PTPN23: variants seen among roughly 807,000 people sequenced by gnomAD.
The protein encoded by PTPN23 is tyrosine-protein phosphatase non-receptor type 23.
PTPN23 carries 72 observed loss-of-function variants against 156.3 expected under a neutral mutation model. The ratio of observed to expected loss-of-function variants is 0.46; its 90% CI spans 0.38 to 0.56. PTPN23 has a LOEUF of 0.56. Among genes scored for constraint, PTPN23 ranks in the 20% least tolerant of loss-of-function variants. The probability of loss-of-function intolerance (pLI) is 0.00; values close to 1 mark genes in which losing one functional copy is unlikely to be tolerated. For synonymous variants in PTPN23, 957 were observed against 899.6 expected, an observed-to-expected ratio of 1.06 and a Z score of -1.14; for missense variants, 1,974 against 2,171.5, an observed-to-expected ratio of 0.91 and a Z score of 1.81.
At chr3:47,385,827 C>G (rs1196156284) in intron 1 of PTPN23, among the ~76,000 whole-genome samples, 1 of 152,220 alleles carries the variant, frequency 6.6e-6, no homozygotes, top group Non-Finnish European at 1.5e-5. Context: ...CCCACTCTGG[C>G]TGAGTTGATC....
Position 47,406,888 on chromosome 3 carries a change from T to G in PTPN23, c.807+138T>G. Reference sequence around the variant, plus strand: ...TCACCCTGCTGGAGGCCTGGTGTCTTAAGTGTTGTCCCATCTGTGCAGCCC... The same window carrying G: ...TCACCCTGCTGGAGGCCTGGTGTCTGAAGTGTTGTCCCATCTGTGCAGCCC... On this transcript the variant is annotated intron_variant, in intron 9 of 24. Transcript: ENST00000265562. The surrounding 1 kb of genome is among the most constrained non-coding windows in gnomAD (Gnocchi z 5.8). 1 of 1,254,952 alleles carries G rather than the reference T, an allele frequency of 8.0e-7. No individual in the cohort carries two copies. The highest frequency in any genetic ancestry group is 1.1e-6 in the Non-Finnish European group (1 of 891,510). 77.7% of individuals were successfully genotyped at this position (1,254,952 alleles called of 1,614,324 possible).
At chr3:47,386,412 C>T (rs868212804) in intron 1 of PTPN23, among the ~76,000 whole-genome samples, 5 of 152,240 alleles carry the variant, frequency 3.3e-5, no homozygotes, top group Admixed American at 6.5e-5. Context: ...GTGATCTGCC[C>T]ACCTCGGTCT....
In PTPN23 at chr3:47,408,101, G is replaced by T. The variant is rs1576227191; in HGVS notation, c.1184+146G>T. On this transcript the variant is annotated intron_variant, in intron 14 of 24. Coordinates refer to ENST00000265562, the MANE Select transcript of PTPN23 (RefSeq NM_015466.4). ...GCTGCCTTCCCGCCTGGGGTGGTGG[G>T]GCTAGTGTGTAAGGCAGGAGTCATG... 2.4e-5 allele frequency: 25 copies of T among 1,061,444 alleles called. No homozygotes were observed. In the East Asian group the frequency reaches 2.8e-4, roughly 12 times the overall value. 65.8% of individuals were successfully genotyped at this position (1,061,444 alleles called of 1,614,324 possible). A position where few individuals can be genotyped will look rare whatever the true frequency, so the allele number is the denominator to read the frequency against.
At chr3:47,389,146 CAG>C (rs1165509183) in intron 1 of PTPN23, among the ~76,000 whole-genome samples, 8 of 152,174 alleles carry the variant, frequency 5.3e-5, no homozygotes, top group Non-Finnish European at 1.0e-4. Context: ...TGAGAACATG[CAG>C]AGTTTGTCGT....
At position 47,407,735 on chromosome 3, in the gene PTPN23, G is replaced by A; in HGVS notation, c.1042G>A (p.Asp348Asn). The change falls in exon 13 of 25, where the codon GAC (aspartate) becomes AAC (asparagine). Residue 348 changes from aspartate to asparagine, a missense_variant. Coordinates refer to ENST00000265562, the MANE Select transcript of PTPN23 (RefSeq NM_015466.4). This position sits in a 1 kb window ranked among gnomAD's most constrained non-coding sequence, Gnocchi z 4.0. ...GAAGCCCTTGCCAGTGAACCCCACA[G>A]ACCCAGCTGTTACAGGCCCTGACAT... Reference protein sequence around the residue: ...LVKPLPVNPTDPAVTGPDIFA... With the variant: ...LVKPLPVNPTNPAVTGPDIFA... The A allele has an allele frequency of 6.2e-7, 1 of 1,613,906 alleles. No individual in the cohort carries two copies. Among genetic ancestry groups the A allele is most frequent in the Non-Finnish European group, 8.5e-7 (1 of 1,179,892 alleles).
chr3:47,381,659 C>T (rs1307590229), intron 1 of PTPN23, among the ~76,000 whole-genome samples: 2 of 152,154 alleles, frequency 1.3e-5, no homozygotes, highest in African/African-American at 4.8e-5. Flanking sequence ...ACGTGAGCCC[C>T]GGTGGCCCAG....
intron 1 of PTPN23, among the ~76,000 whole-genome samples, chr3:47,394,260 T>A (rs1704833908): frequency 6.6e-6 from 1 of 152,182 alleles, no homozygotes; most frequent in African/African-American, 2.4e-5. Context: ...TCCTTAATGC[T>A]TATTGTTTGA....
At chr3:47,404,891 A>G in intron 3 of PTPN23, 112 bp downstream of exon 3, 1 of 1,579,056 alleles carries the variant, frequency 6.3e-7, no homozygotes, top group Non-Finnish European at 8.7e-7. Flanking sequence ...ATGGCCTCAT[A>G]TGGTCCCCCC....
At chr3:47,381,206 CT>C (rs778049009) in intron 1 of PTPN23, 26 bp downstream of exon 1, 50 of 1,560,476 alleles carry the variant, frequency 3.2e-5, no homozygotes, top group Middle Eastern at 1.7e-4. Context: ...ATCTTCCCCC[CT>C]ATCCGCCGCG....
intron 1 of PTPN23, among the ~76,000 whole-genome samples, chr3:47,384,363 C>T (rs1444509809): frequency 7.4e-6 from 1 of 134,990 alleles, no homozygotes; most frequent in Non-Finnish European, 1.5e-5. Context: ...GAGGCTGAGG[C>T]AGGAGAATGG....
intron 1 of PTPN23, 126 bp downstream of exon 1, chr3:47,381,306 G>A (rs1704532431): frequency 1.1e-5 from 14 of 1,326,804 alleles, no homozygotes; most frequent in Non-Finnish European, 1.4e-5. Context: ...GGCCAGGAGG[G>A]GCCTTCGCCG....
At chr3:47,389,508 A>C (rs1704723994) in intron 1 of PTPN23, among the ~76,000 whole-genome samples, 1 of 152,110 alleles carries the variant, frequency 6.6e-6, no homozygotes. Flanking sequence ...TAATCCCAGC[A>C]CTTTGGGAGG....
In PTPN23 at chr3:47,405,517, C is replaced by T. The variant is rs1705101113; in HGVS notation, c.365-232C>T. On this transcript the variant is annotated intron_variant, in intron 4 of 24. Coordinates refer to ENST00000265562, the MANE Select transcript of PTPN23 (RefSeq NM_015466.4). This position sits in a 1 kb window ranked among gnomAD's most constrained non-coding sequence, Gnocchi z 4.7. ...ACATCCCTGAAGCTTCAAGATTGGA[C>T]CCCTTGGACAGGAGCCCTTCCATCC... 1 of 578,536 alleles carries T rather than the reference C, an allele frequency of 1.7e-6. No homozygotes were observed. Among genetic ancestry groups the T allele is most frequent in the Non-Finnish European group, 3.1e-6 (1 of 327,422 alleles). 35.8% of individuals were successfully genotyped at this position (578,536 alleles called of 1,614,324 possible). A position where few individuals can be genotyped will look rare whatever the true frequency, so the allele number is the denominator to read the frequency against.
chr3:47,404,528 G>T, intron 2 of PTPN23, 124 bp from the exon 3 acceptor site: 1 of 1,300,762 alleles, frequency 7.7e-7, no homozygotes. Flanking sequence ...TGGACTTTTT[G>T]GGATCCCTTG....
At position 47,406,177 on chromosome 3, in the gene PTPN23, G is replaced by T; in HGVS notation, c.546+131G>T. On this transcript the variant is annotated intron_variant, in intron 6 of 24. Transcript: ENST00000265562. This position sits in a 1 kb window ranked among gnomAD's most constrained non-coding sequence, Gnocchi z 5.8. ...AGGGGCCTTGGCTTTGTTGAATCAG[G>T]AGCACCGTGGTGCTGCTTGGAGTGG... is the stretch of plus-strand genomic sequence containing the variant. 4.7e-6 allele frequency: 7 copies of T among 1,476,524 alleles called. No homozygotes were observed. The highest frequency in any genetic ancestry group is 5.5e-6 in the Non-Finnish European group (6 of 1,088,436). The allele number at this position is 1,476,524 out of a possible 1,614,324, so 91.5% of individuals were successfully genotyped here. A position where few individuals can be genotyped will look rare whatever the true frequency, so the allele number is the denominator to read the frequency against.
chr3:47,408,158 T>C (rs1705175179), intron 14 of PTPN23, among the ~76,000 whole-genome samples, 187 bp from the exon 15 acceptor site: 1 of 152,194 alleles, frequency 6.6e-6, no homozygotes, highest in Non-Finnish European at 1.5e-5. Flanking sequence ...TCTGTTCCAC[T>C]GTTTCCAGCA....
rs71098482 is a variant in PTPN23, at chr3:47,382,680, C to CTTTTTTTTTTTTTTTTTTTTTTT, written c.84+1504_84+1526dup. 8.0e-4 allele frequency among the ~76,000 whole-genome samples: 47 copies of CTTTTTTTTTTTTTTTTTTTTTTT among 58,660 alleles called. 11 individuals are homozygous for CTTTTTTTTTTTTTTTTTTTTTTT. The highest frequency in any genetic ancestry group is 1.0e-3 in the Non-Finnish European group (31 of 30,860). 38.5% of individuals were successfully genotyped at this position (58,660 alleles called of 152,430 possible). The stretch of plus-strand genomic sequence containing the variant: ...AGAACTCCTGTTTTCTTTTTCTTTT[C>CTTTTTTTTTTTTTTTTTTTTTTT]TTTTTTTTTTTTTTTTTTTTTTTTT... On this transcript the variant is annotated intron_variant, in intron 1 of 24. Transcript: ENST00000265562.
In PTPN23 at chr3:47,381,200, TC is replaced by T; in HGVS notation, c.84+26del. On this transcript the variant is annotated intron_variant, in intron 1 of 24. Transcript: ENST00000265562. ...AAGAAGGTGAGCTTGCCTTCCATCT[TC>T]CCCCCTATCCGCCGCGTATCTCCGT... 1.3e-6 allele frequency: 2 copies of T among 1,563,714 alleles called. No individual in the cohort carries two copies. Among genetic ancestry groups the T allele is most frequent in the Non-Finnish European group, 1.7e-6 (2 of 1,154,576 alleles).
rs776631200 is a variant in PTPN23, at chr3:47,406,400, G to A, written c.622G>A (p.Ala208Thr). The change falls in exon 7 of 25, where the codon GCA becomes ACA. Residue 208 changes from alanine to threonine, a missense_variant. Coordinates refer to ENST00000265562, the MANE Select transcript of PTPN23 (RefSeq NM_015466.4). The surrounding 1 kb of genome is among the most constrained non-coding windows in gnomAD (Gnocchi z 5.8). The part of the protein sequence containing the change: ...RKSFLVARIS[A>T]QVVDYYKEAC... ...GAGCTTTCTGGTGGCCCGCATCAGT[G>A]CACAGGTAGGGACGGGGCTGAGGGG... 1.9e-6 allele frequency: 3 copies of A among 1,613,988 alleles called. No individual in the cohort carries two copies. The highest frequency in any genetic ancestry group is 1.7e-5 in the Admixed American group (1 of 60,028).
Sources: gnomAD v4.1 joint callset for allele counts (sites outside exome capture counted in the v4.1 genomes callset) on GRCh38, gnomAD v4.1.1 for gene constraint, Gnocchi (gnomAD v3.1) non-coding constraint, MANE v1.5 for transcripts, NCBI Gene and HGNC (gene_info 2026-07-23, HGNC 2026-07-21) for gene names.